The following TMEM30A variants were observed in gnomAD, a reference collection of about 807,000 sequenced individuals.
The protein encoded by TMEM30A is cell division cycle 50 P4-ATPase accessory subunit A.
A neutral mutation model predicts 38.2 loss-of-function variants in TMEM30A; 24 were observed. The ratio of observed to expected loss-of-function variants is 0.63; its 90% CI spans 0.46 to 0.88. The LOEUF (loss-of-function observed/expected upper bound fraction) is 0.88, where lower values mean the gene tolerates loss of function less well. Ranked by LOEUF, TMEM30A falls within the 40% of genes least tolerant of loss-of-function variation. The probability of loss-of-function intolerance (pLI) is 0.00; values close to 1 mark genes in which losing one functional copy is unlikely to be tolerated. For missense variants in TMEM30A, 370 were observed against 458.6 expected, an observed-to-expected ratio of 0.81 and a Z score of 1.77; for synonymous variants, 145 against 161.6, an observed-to-expected ratio of 0.90 and a Z score of 0.78.
chr6:75,259,130 G>A (rs1771920326), intron 5 of TMEM30A, 144 bp from the exon 6 acceptor site: 4 of 842,000 alleles, frequency 4.8e-6, no homozygotes, highest in Non-Finnish European at 3.6e-6. Flanking sequence ...TAGCTGAAAT[G>A]CTTATAAGAC....
intron 2 of TMEM30A, among the ~76,000 whole-genome samples, chr6:75,266,559 G>T (rs1772070802): frequency 6.6e-6 from 1 of 152,184 alleles, no homozygotes; most frequent in African/African-American, 2.4e-5. Flanking sequence ...AGCTTGTGAA[G>T]AAACACAGAG....
chr6:75,279,119 G>GT (rs1195835552), intron 1 of TMEM30A, among the ~76,000 whole-genome samples: 1 of 150,990 alleles, frequency 6.6e-6, no homozygotes, highest in Non-Finnish European at 1.5e-5. Context: ...AAAAAGGTGT[G>GT]TGGGGGGGTG....
At chr6:75,276,622 CT>C (rs1772264867) in intron 1 of TMEM30A, among the ~76,000 whole-genome samples, 1 of 152,164 alleles carries the variant, frequency 6.6e-6, no homozygotes, top group African/African-American at 2.4e-5. Context: ...TGGCTTTTTC[CT>C]GTCAGAAATA....
intron 3 of TMEM30A, among the ~76,000 whole-genome samples, chr6:75,263,564 G>C (rs1772010188): frequency 6.6e-6 from 1 of 152,162 alleles, no homozygotes; most frequent in Admixed American, 6.5e-5. Context: ...AGAAAAAATA[G>C]CAGGCCTTGA....
chr6:75,276,058 T>C (rs1772254609), intron 1 of TMEM30A, among the ~76,000 whole-genome samples: 1 of 152,160 alleles, frequency 6.6e-6, no homozygotes, highest in African/African-American at 2.4e-5. Flanking sequence ...CATGTGTACA[T>C]AATGAAGCCT....
chr6:75,256,352 A>G (rs1771867559), intron 6 of TMEM30A, 57 bp from the exon 7 acceptor site: 6 of 1,482,238 alleles, frequency 4.0e-6, no homozygotes, highest in South Asian at 1.3e-5. Flanking sequence ...TTAAAATACA[A>G]TTTTAAAAGT....
intron 1 of TMEM30A, among the ~76,000 whole-genome samples, chr6:75,283,432 G>T (rs1157079042): frequency 6.6e-6 from 1 of 151,892 alleles, no homozygotes; most frequent in South Asian, 2.1e-4. Flanking sequence ...TGCAAGAAAA[G>T]ATGAGAGATG....
intron 1 of TMEM30A, among the ~76,000 whole-genome samples, chr6:75,276,164 C>T (rs771573041): frequency 6.6e-6 from 1 of 152,216 alleles, no homozygotes; most frequent in Non-Finnish European, 1.5e-5. Context: ...CACATGGAAG[C>T]TCTGAACCCC....
intron 1 of TMEM30A, among the ~76,000 whole-genome samples, chr6:75,268,211 A>C (rs2149521255): frequency 6.6e-6 from 1 of 152,274 alleles, no homozygotes; most frequent in Admixed American, 6.5e-5. Flanking sequence ...CCTGGTGCTG[A>C]ATTTGTCTTT....
chr6:75,282,612 G>T (rs1772377445), intron 1 of TMEM30A, among the ~76,000 whole-genome samples: 2 of 152,072 alleles, frequency 1.3e-5, no homozygotes, highest in African/African-American at 4.8e-5. Context: ...TAGGGTGAAA[G>T]CTTAAAGCTG....
chr6:75,255,870 A>G lies in TMEM30A; in HGVS notation c.*232T>C. ...AATAAAAAGCAAACATTAGAATGCC[A>G]TTTCAGCAGTTACAGTGTTGATATG... is the stretch of plus-strand genomic sequence containing the variant. On this transcript the variant is annotated 3_prime_UTR_variant, in exon 7 of 7. Coordinates refer to ENST00000230461, the MANE Select transcript of TMEM30A (RefSeq NM_018247.4). 2.6e-6 allele frequency: 1 copy of G among 384,834 alleles called. No individual in the cohort carries two copies. The highest frequency in any genetic ancestry group is 4.7e-6 in the Non-Finnish European group (1 of 214,590). The allele number at this position is 384,834 out of a possible 1,614,324, so 23.8% of individuals were successfully genotyped here. A position where few individuals can be genotyped will look rare whatever the true frequency, so the allele number is the denominator to read the frequency against.
Position 75,284,737 on chromosome 6 carries a change from G to T in TMEM30A, c.-99C>A. 1 of 1,178,330 alleles carries T rather than the reference G, an allele frequency of 8.5e-7. No homozygotes were observed. The highest frequency in any genetic ancestry group is 1.2e-6 in the Non-Finnish European group (1 of 808,830). 73.0% of individuals were successfully genotyped at this position (1,178,330 alleles called of 1,614,324 possible). A position where few individuals can be genotyped will look rare whatever the true frequency, so the allele number is the denominator to read the frequency against. On this transcript the variant is annotated 5_prime_UTR_variant, in exon 1 of 7. Transcript: ENST00000230461. ...CCGCTCGAGCGCCGCTGCCGCCGCC[G>T]CCGCCGCAGCCACCAGCGCCACCGC...
rs773316056 is a variant in TMEM30A, at chr6:75,265,386, A to G, written c.346-48T>C. On this transcript the variant is annotated intron_variant, in intron 2 of 6. Transcript: ENST00000230461. Reference sequence around the variant, plus strand: ...AATTTTCATATAAAAACTATTCTGTATAAACTTATTTCATGTGTACATAAA... The same window carrying G: ...AATTTTCATATAAAAACTATTCTGTGTAAACTTATTTCATGTGTACATAAA... 8 of 1,148,928 alleles carry G rather than the reference A, an allele frequency of 7.0e-6. No individual in the cohort carries two copies. In the African/African-American group the frequency reaches 1.3e-4, roughly 18 times the overall value. The allele number at this position is 1,148,928 out of a possible 1,614,324, so 71.2% of individuals were successfully genotyped here.
chr6:75,282,350 G>A lies in TMEM30A; in HGVS notation c.237+2052C>T, dbSNP rs557831132. On this transcript the variant is annotated intron_variant, in intron 1 of 6. Coordinates refer to ENST00000230461, the MANE Select transcript of TMEM30A (RefSeq NM_018247.4). ...GAGCCATTTGAAAAATTTCTATTTC[G>A]TCTACTACTTAGCGTGAAGAACCTT... Among the ~76,000 whole-genome samples, 8 of 152,146 alleles carry A rather than the reference G, an allele frequency of 5.3e-5. No individual in the cohort carries two copies. In the East Asian group the frequency reaches 5.8e-4, roughly 11 times the overall value.
At position 75,284,709 on chromosome 6, in the gene TMEM30A, G is replaced by T; in HGVS notation, c.-71C>A. On this transcript the variant is annotated 5_prime_UTR_variant, in exon 1 of 7. Coordinates refer to ENST00000230461, the MANE Select transcript of TMEM30A (RefSeq NM_018247.4). ...GGGGCCCGCCGGCTGACCCTGACAG[G>T]AACCGCTCGAGCGCCGCTGCCGCCG... 1 of 1,525,182 alleles carries T rather than the reference G, an allele frequency of 6.6e-7. No homozygotes were observed. The highest frequency in any genetic ancestry group is 9.0e-7 in the Non-Finnish European group (1 of 1,110,368). The allele number at this position is 1,525,182 out of a possible 1,614,324, so 94.5% of individuals were successfully genotyped here.
At position 75,257,266 on chromosome 6, in the gene TMEM30A, C is replaced by T. The variant is rs1000066275; in HGVS notation, c.893-971G>A. 4.6e-5 allele frequency among the ~76,000 whole-genome samples: 7 copies of T among 152,136 alleles called. No homozygotes were observed. In the East Asian group the frequency reaches 1.3e-3, roughly 29 times the overall value. The stretch of plus-strand genomic sequence containing the variant: ...CAAACCTAAAGAAACAGGCTTCTGC[C>T]ATCATTCTAGTCTTTAGTTCCCACC... On this transcript the variant is annotated intron_variant, in intron 6 of 6. Transcript: ENST00000230461.
Position 75,258,916 on chromosome 6 carries a change from G to A in TMEM30A, c.756C>T (p.Phe252=), listed in dbSNP as rs367828528. ...MLDSDPDNNG[F]INEDFIVWMR... Reference sequence around the variant, plus strand: ...TCCAAACAATAAAATCCTCATTTATGAATCCATTATTATCTGGGTCAGAAT... The same window carrying A: ...TCCAAACAATAAAATCCTCATTTATAAATCCATTATTATCTGGGTCAGAAT... Residue 252 remains phenylalanine, a synonymous_variant, in exon 6 of 7, where the codon TTC becomes TTT. Transcript: ENST00000230461. The A allele has an allele frequency of 5.0e-6, 8 of 1,613,794 alleles. No homozygotes were observed. The highest frequency in any genetic ancestry group is 5.9e-6 in the Non-Finnish European group (7 of 1,179,940).
At chr6:75,271,141 A>G (rs1772160547) in intron 1 of TMEM30A, among the ~76,000 whole-genome samples, 1 of 152,186 alleles carries the variant, frequency 6.6e-6, no homozygotes, top group Non-Finnish European at 1.5e-5. Flanking sequence ...ATTAAAAAAA[A>G]AGTTGCCAGC....
rs144100453 is a variant in TMEM30A at position 75,258,015 on chromosome 6, G to A, written c.892+765C>T. On this transcript the variant is annotated intron_variant, in intron 6 of 6. Transcript: ENST00000230461. ...AAAGACTGCATCTATGCAGATATGG[G>A]TTGGTGTAACTGAGTGAACTAGCTA... Among the ~76,000 whole-genome samples, 443 of 152,316 alleles carry A rather than the reference G, an allele frequency of 2.9e-3. 1 individual carries two copies. The highest frequency in any genetic ancestry group is 4.6e-3 in the Non-Finnish European group (311 of 68,008).
Sources: allele counts gnomAD v4.1 joint callset (sites outside exome capture counted in the v4.1 genomes callset), GRCh38; gene constraint gnomAD v4.1.1; transcripts MANE v1.5; gene names NCBI Gene and HGNC (gene_info 2026-07-23, HGNC 2026-07-21).